SEMA5A: variants seen among roughly 807,000 people sequenced by gnomAD.
The protein encoded by SEMA5A is semaphorin-5A.
In SEMA5A, 55 loss-of-function variants were observed where a neutral mutation model predicts 135.5. The observed-to-expected ratio is 0.41, with a 90% CI of 0.33 to 0.51. The LOEUF (loss-of-function observed/expected upper bound fraction) is 0.51. SEMA5A is among the 20% of genes least tolerant of loss of function. The pLI is 0.37. For missense variants in SEMA5A, 1,290 were observed against 1,419.9 expected (o/e 0.91, Z 1.47); for synonymous variants, 580 against 546.5 (o/e 1.06, Z -0.85).
chr5:9,388,743 C>CA (rs1413763440), intron 2 of SEMA5A, among the ~76,000 whole-genome samples: 9 of 151,878 alleles, frequency 5.9e-5, no homozygotes, highest in African/African-American at 2.2e-4. Flanking sequence ...ACTAAAAATA[C>CA]AAAAAATTAG....
chr5:9,537,187 A>G (rs907960153), intron 1 of SEMA5A, among the ~76,000 whole-genome samples: 1 of 152,220 alleles, frequency 6.6e-6, no homozygotes, highest in East Asian at 1.9e-4. Context: ...ATTATGATCA[A>G]CTGAAGCTAC....
intron 1 of SEMA5A, among the ~76,000 whole-genome samples, chr5:9,536,227 G>C (rs1271038260): frequency 1.3e-5 from 2 of 152,128 alleles, no homozygotes; most frequent in African/African-American, 4.8e-5. Context: ...AAATTAACCA[G>C]AGGACGACAA....
chr5:9,214,267 A>G (rs923352834), intron 8 of SEMA5A, among the ~76,000 whole-genome samples: 1 of 152,184 alleles, frequency 6.6e-6, no homozygotes, highest in African/African-American at 2.4e-5. Flanking sequence ...CGGCCAGGCA[A>G]GAAGAAACAG....
intron 12 of SEMA5A, among the ~76,000 whole-genome samples, chr5:9,138,494 G>A (rs995125258): frequency 4.6e-5 from 7 of 152,124 alleles, no homozygotes; most frequent in South Asian, 2.1e-4. Context: ...CACTATTCTT[G>A]TCAATAAATA....
At chr5:9,389,675 C>T (rs113230624) in intron 2 of SEMA5A, among the ~76,000 whole-genome samples, 228 of 151,892 alleles carry the variant, frequency 1.5e-3, no homozygotes, top group African/African-American at 5.2e-3. Context: ...TCTGTCCTGA[C>T]CAACCTCCTG....
intron 15 of SEMA5A, among the ~76,000 whole-genome samples, chr5:9,112,214 G>A (rs1046911280): frequency 1.3e-5 from 2 of 152,078 alleles, no homozygotes. Flanking sequence ...ACCTAGCACT[G>A]TTTCTCTATA....
At chr5:9,162,562 GTGTA>G (rs1560977227) in intron 11 of SEMA5A, among the ~76,000 whole-genome samples, 2 of 63,204 alleles carry the variant, frequency 3.2e-5, no homozygotes, top group Non-Finnish European at 7.2e-5. Context: ...GTGTGTGTGT[GTGTA>G]TATATATATA....
intron 11 of SEMA5A, among the ~76,000 whole-genome samples, chr5:9,160,642 A>AATAT (rs142620982): frequency 7.9e-5 from 12 of 151,650 alleles, no homozygotes; most frequent in East Asian, 1.9e-4. Context: ...AACAATTCTT[A>AATAT]ATATATATAT....
intron 2 of SEMA5A, among the ~76,000 whole-genome samples, chr5:9,381,352 G>A (rs194267): frequency 0.09 from 13,654 of 152,148 alleles, 717 homozygotes; most frequent in East Asian, 0.13. Context: ...TGGAAACTAC[G>A]GCAAATTAGA....
chr5:9,097,071 C>T (rs534594024), intron 16 of SEMA5A, among the ~76,000 whole-genome samples: 6 of 151,968 alleles, frequency 3.9e-5, no homozygotes, highest in East Asian at 1.9e-4. Context: ...TAAATATACA[C>T]GATAAAATTT....
rs749193305 is a variant in SEMA5A, at chr5:9,044,576, T to A, written c.2902A>T (p.Met968Leu). Residue 968 changes from methionine (M) to leucine (L), a missense_variant, in exon 22 of 23, where the codon ATG (methionine) becomes TTG (leucine). Met to Leu is a conservative substitution (Grantham distance 15). This residue lies in a region of SEMA5A where 1,029 missense variants were observed against 1,086.6 expected (regional missense o/e 0.95). Coordinates refer to ENST00000382496, the MANE Select transcript of SEMA5A (RefSeq NM_003966.3). The stretch of plus-strand genomic sequence containing the variant: ...AGCCCCACGGCGATCATGTGGAACA[T>A]GTTGAACTCTAGGGAGACATGAGCA... ...VEEKRCGEFN[M>L]FHMIAVGLSS... 1 of 1,613,926 alleles carries A rather than the reference T, an allele frequency of 6.2e-7. No individual in the cohort carries two copies. The highest frequency in any genetic ancestry group is 1.1e-5 in the South Asian group (1 of 91,054).
chr5:9,306,493 T>G (rs550012339), intron 5 of SEMA5A, among the ~76,000 whole-genome samples: 1 of 152,220 alleles, frequency 6.6e-6, no homozygotes, highest in African/African-American at 2.4e-5. Context: ...AAAATTTATT[T>G]GATTCTTTTT....
chr5:9,394,649 T>G (rs1372236580), intron 2 of SEMA5A, among the ~76,000 whole-genome samples: 1 of 152,124 alleles, frequency 6.6e-6, no homozygotes, highest in Admixed American at 6.5e-5. Flanking sequence ...GTTTTGGAAG[T>G]GTGGGAATCA....
intron 16 of SEMA5A, 149 bp from the exon 17 acceptor site, chr5:9,066,795 A>G: frequency 1.6e-6 from 1 of 644,588 alleles, no homozygotes; most frequent in Non-Finnish European, 2.7e-6. Context: ...AAACACATTT[A>G]TGTTAAATTA....
chr5:9,047,007 T>C (rs906350917), intron 21 of SEMA5A, among the ~76,000 whole-genome samples: 1 of 152,134 alleles, frequency 6.6e-6, no homozygotes, highest in Non-Finnish European at 1.5e-5. Context: ...TTGAAGCCTC[T>C]AGGGCTGGAG....
At chr5:9,313,130 A>G (rs1045789318) in intron 5 of SEMA5A, among the ~76,000 whole-genome samples, 1 of 152,210 alleles carries the variant, frequency 6.6e-6, no homozygotes, top group East Asian at 1.9e-4. Flanking sequence ...AATGTCACTA[A>G]GTAGGAAAAA....
intron 1 of SEMA5A, among the ~76,000 whole-genome samples, chr5:9,511,632 C>T (rs1445854550): frequency 6.6e-6 from 1 of 152,090 alleles, no homozygotes; most frequent in African/African-American, 2.4e-5. Flanking sequence ...CATTCTACCA[C>T]ATGGTGACTA....
At chr5:9,488,693 C>T (rs760481903) in intron 1 of SEMA5A, among the ~76,000 whole-genome samples, 1 of 152,082 alleles carries the variant, frequency 6.6e-6, no homozygotes, top group African/African-American at 2.4e-5. Flanking sequence ...CCAGATGACA[C>T]GTATTTATTT....
At chr5:9,530,331 A>G (rs184855946) in intron 1 of SEMA5A, among the ~76,000 whole-genome samples, 20 of 152,324 alleles carry the variant, frequency 1.3e-4, no homozygotes, top group Non-Finnish European at 2.6e-4. Flanking sequence ...ACATTTTTAT[A>G]TGTAGTCTTT....
Sources: gnomAD v4.1 joint callset for allele counts (sites outside exome capture counted in the v4.1 genomes callset) on GRCh38, gnomAD v4.1.1 for gene constraint, gnomAD v4.1.1 regional missense constraint, MANE v1.5 for transcripts, NCBI Gene and HGNC (gene_info 2026-07-23, HGNC 2026-07-21) for gene names.